RPH3AL: variants seen among roughly 807,000 people sequenced by gnomAD.
The protein encoded by RPH3AL is rabphilin 3A like (without C2 domains).
RPH3AL carries 38 observed loss-of-function variants against 43.1 expected under a neutral mutation model. The ratio of observed to expected loss-of-function variants is 0.88; its 90% CI spans 0.68 to 1.15. The LOEUF is 1.15. RPH3AL is among the 50% of genes most tolerant of loss of function. The pLI, the probability that RPH3AL is intolerant of heterozygous loss-of-function variation, is 0.00. For synonymous variants in RPH3AL, 189 were observed against 176.3 expected (o/e 1.07, Z -0.57); for missense variants, 462 against 423.2 (o/e 1.09, Z -0.81).
chr17:344,296 A>G (rs2045194874), intron 1 of RPH3AL, among the ~76,000 whole-genome samples: 1 of 129,014 alleles, frequency 7.8e-6, no homozygotes, highest in African/African-American at 2.7e-5. Flanking sequence ...CATCTCGGTT[A>G]CCACCACCAT....
In RPH3AL at chr17:219,685, T is replaced by C. The variant is rs750373570; in HGVS notation, c.665A>G (p.Glu222Gly). The C allele has an allele frequency of 8.7e-6, 14 of 1,613,630 alleles. No homozygotes were observed. In the Admixed American group the frequency reaches 2.3e-4, roughly 27 times the overall value. The part of the protein sequence containing the change: ...SDSDLSSSSL[E>G]DRLPSTGVRD... ...GACCCCAGTGGATGGGAGTCTGTCC[T>C]CTAGGCTGGAGGAGCTAAGATCCGA... Residue 222 changes from glutamate (E) to glycine (G), a missense_variant, in exon 8 of 10, where the codon GAG (glutamate) becomes GGG (glycine). Coordinates refer to ENST00000331302, the MANE Select transcript of RPH3AL (RefSeq NM_006987.4).
chr17:323,051 G>A lies in RPH3AL; in HGVS notation c.78-1636C>T, dbSNP rs1045103180. 1.3e-5 allele frequency among the ~76,000 whole-genome samples: 2 copies of A among 152,112 alleles called. No homozygotes were observed. The highest frequency in any genetic ancestry group is 2.4e-5 in the African/African-American group (1 of 41,410). On this transcript the variant is annotated intron_variant, in intron 3 of 9. Transcript: ENST00000331302. The surrounding 1 kb of genome is among the most constrained non-coding windows in gnomAD (Gnocchi z 4.4). Reference sequence around the variant, plus strand: ...AGCAAATTCCCAATTGCCTGCAAATGGTCGTTAATAGTGATAACTGTAATT... The same window carrying A: ...AGCAAATTCCCAATTGCCTGCAAATAGTCGTTAATAGTGATAACTGTAATT...
At chr17:292,798 T>G (rs1422871735) in intron 5 of RPH3AL, among the ~76,000 whole-genome samples, 1 of 152,052 alleles carries the variant, frequency 6.6e-6, no homozygotes, top group Non-Finnish European at 1.5e-5. Context: ...TCCCATTCGT[T>G]AGGACACAGC....
chr17:292,754 G>A (rs1367321831), intron 5 of RPH3AL, among the ~76,000 whole-genome samples: 1 of 152,178 alleles, frequency 6.6e-6, no homozygotes, highest in South Asian at 2.1e-4. Context: ...ATGAGGTCAA[G>A]CTTCAAGTGG....
chr17:232,636 GGCTGGACCA>G (rs1485245258), intron 7 of RPH3AL, among the ~76,000 whole-genome samples: 1 of 152,146 alleles, frequency 6.6e-6, no homozygotes, highest in Admixed American at 6.5e-5. Context: ...CCAAGTGTCT[GGCTGGACCA>G]GAGCCACAGA....
chr17:236,392 G>A (rs1244655774), intron 7 of RPH3AL, among the ~76,000 whole-genome samples: 1 of 152,222 alleles, frequency 6.6e-6, no homozygotes. Flanking sequence ...CTCTGCTCTG[G>A]GTCTGGGAGA....
chr17:349,551 G>A (rs1159862138), intron 1 of RPH3AL, among the ~76,000 whole-genome samples: 1 of 152,166 alleles, frequency 6.6e-6, no homozygotes, highest in African/African-American at 2.4e-5. Context: ...ACTGGGCACA[G>A]TGGACCATGC....
chr17:234,328 T>A (rs2041310433), intron 7 of RPH3AL: 1 of 140,978 alleles, frequency 7.1e-6, no homozygotes, highest in Non-Finnish European at 1.5e-5. Flanking sequence ...CTACTTACCC[T>A]GACCAACTTC....
chr17:231,460 C>T (rs940240324), intron 7 of RPH3AL, among the ~76,000 whole-genome samples: 6 of 152,376 alleles, frequency 3.9e-5, no homozygotes, highest in African/African-American at 1.4e-4. Context: ...ACGTGCAAGG[C>T]CAGGCCTCAC....
chr17:327,819 G>A (rs777866448), intron 2 of RPH3AL, among the ~76,000 whole-genome samples: 1 of 152,314 alleles, frequency 6.6e-6, no homozygotes, highest in Non-Finnish European at 1.5e-5. Context: ...AGTGACAAGA[G>A]TGAACATGAC....
Position 245,234 on chromosome 17 carries a change from C to T in RPH3AL, c.613+1877G>A, listed in dbSNP as rs1195348962. On this transcript the variant is annotated intron_variant, in intron 7 of 9. Transcript: ENST00000331302. This position sits in a 1 kb window ranked among gnomAD's most constrained non-coding sequence, Gnocchi z 5.9. Reference sequence around the variant, plus strand: ...GTGTGTCCATGTGGATGTGTGTGTGCGTGTGGATGAGAGCATGTGTGTGTG... The same window carrying T: ...GTGTGTCCATGTGGATGTGTGTGTGTGTGTGGATGAGAGCATGTGTGTGTG... 4.2e-5 allele frequency among the ~76,000 whole-genome samples: 5 copies of T among 117,818 alleles called. No individual in the cohort carries two copies. Among genetic ancestry groups the T allele is most frequent in the East Asian group, 2.6e-4 (1 of 3,908 alleles). The allele number at this position is 117,818 out of a possible 152,430, so 77.3% of individuals were successfully genotyped here. A position where few individuals can be genotyped will look rare whatever the true frequency, so the allele number is the denominator to read the frequency against.
chr17:241,294 G>A (rs1167673841), intron 7 of RPH3AL, among the ~76,000 whole-genome samples: 2 of 152,038 alleles, frequency 1.3e-5, no homozygotes, highest in African/African-American at 4.8e-5. Flanking sequence ...TACTGGGGAG[G>A]CTGAGGTAGG....
chr17:317,023 GCTCCACCTCCACTGACCTGTAGTCTCTGT>G (rs2044265516), intron 5 of RPH3AL, among the ~76,000 whole-genome samples: 1 of 131,408 alleles, frequency 7.6e-6, no homozygotes, highest in Non-Finnish European at 1.6e-5. Context: ...TAGTCTCTGT[GCTCCACCTCCACTGACCTGTAGTCTCTGT>G]GCCCCACCTC....
At chr17:314,127 C>A (rs1347353848) in intron 5 of RPH3AL, among the ~76,000 whole-genome samples, 1 of 152,216 alleles carries the variant, frequency 6.6e-6, no homozygotes, top group African/African-American at 2.4e-5. Flanking sequence ...AGCACCTGTA[C>A]TAACCGTTGC....
rs900100289 is a variant in RPH3AL, at chr17:240,093, G to A, written c.613+7018C>T. ...TCTCTACTAAAAATACAAAATTAGC[G>A]GGGCGTGGTGGTGCAAGCCTGTAAT... On this transcript the variant is annotated intron_variant, in intron 7 of 9. Transcript: ENST00000331302. Among the ~76,000 whole-genome samples, 4 of 151,568 alleles carry A rather than the reference G, an allele frequency of 2.6e-5. No homozygotes were observed. In the South Asian group the frequency reaches 6.3e-4, roughly 24 times the overall value.
intron 5 of RPH3AL, among the ~76,000 whole-genome samples, chr17:299,750 A>T (rs978544382): frequency 1.6e-4 from 25 of 152,176 alleles, no homozygotes; most frequent in Non-Finnish European, 2.8e-4. Flanking sequence ...ATTATCTGTT[A>T]TTTACCACAA....
At position 305,842 on chromosome 17, in the gene RPH3AL, TTCCCTCCC is replaced by T. The variant is rs1314876005; in HGVS notation, c.351+13570_351+13577del. Among the ~76,000 whole-genome samples the T allele has an allele frequency of 1.4e-5, 2 of 138,224 alleles. 1 individual carries two copies. The highest frequency in any genetic ancestry group is 1.4e-4 in the Admixed American group (2 of 13,870). The allele number at this position is 138,224 out of a possible 152,430, so 90.7% of individuals were successfully genotyped here. Reference sequence around the variant, plus strand: ...CCTCCCTCCCCAGCCCCTTTCTTCCTTCCCTCCCTCCCTCCCTCCTTTCTTTTTTTTGA... The same window carrying T: ...CCTCCCTCCCCAGCCCCTTTCTTCCTTCCCTCCCTCCTTTCTTTTTTTTGA... On this transcript the variant is annotated intron_variant, in intron 5 of 9. Coordinates refer to ENST00000331302, the MANE Select transcript of RPH3AL (RefSeq NM_006987.4).
intron 5 of RPH3AL, among the ~76,000 whole-genome samples, chr17:304,923 C>CACAGGGCGGGAGGGGG: frequency 2.1e-5 from 2 of 94,648 alleles, no homozygotes; most frequent in African/African-American, 7.1e-5. Flanking sequence ...GCAAGAGAGG[C>CACAGGGCGGGAGGGGG]ACAGGGCGAG....
chr17:314,059 C>T (rs137972354), intron 5 of RPH3AL, among the ~76,000 whole-genome samples: 63 of 152,344 alleles, frequency 4.1e-4, no homozygotes, highest in Non-Finnish European at 6.6e-4. Flanking sequence ...TGGGGACCCA[C>T]ATCCAGCTGA....
Sources: allele counts gnomAD v4.1 joint callset (sites outside exome capture counted in the v4.1 genomes callset), GRCh38; gene constraint gnomAD v4.1.1; non-coding constraint Gnocchi (gnomAD v3.1); transcripts MANE v1.5; gene names NCBI Gene and HGNC (gene_info 2026-07-23, HGNC 2026-07-21).